Variants in IQCH observed in about 807,000 individuals in gnomAD.
IQCH encodes IQ motif containing H, also known as IQ domain-containing protein H.
A neutral mutation model predicts 117.0 loss-of-function variants in IQCH; 98 were observed. The ratio of observed to expected loss-of-function variants is 0.84; its 90% CI spans 0.71 to 0.99. IQCH has a LOEUF of 0.99. Among genes scored for constraint, IQCH ranks in the 50% least tolerant of loss-of-function variants. The probability of loss-of-function intolerance (pLI) is 0.00; values close to 1 mark genes in which losing one functional copy is unlikely to be tolerated. For missense variants in IQCH, 1,102 were observed against 1,243.8 expected, an observed-to-expected ratio of 0.89 and a Z score of 1.72; for synonymous variants, 412 against 448.2, an observed-to-expected ratio of 0.92 and a Z score of 1.02.
At chr15:67,358,748 G>A (rs1970017635) in intron 7 of IQCH, among the ~76,000 whole-genome samples, 1 of 152,212 alleles carries the variant, frequency 6.6e-6, no homozygotes, top group East Asian at 1.9e-4. Flanking sequence ...AAGAGAAATT[G>A]AAGAGCGGAA....
chr15:67,339,429 C>A (rs893351545), intron 5 of IQCH, among the ~76,000 whole-genome samples: 2 of 152,150 alleles, frequency 1.3e-5, no homozygotes, highest in African/African-American at 2.4e-5. Flanking sequence ...ATCAAGAATA[C>A]TGAAGTAAAT....
chr15:67,355,922 C>T (rs954204146), intron 6 of IQCH, among the ~76,000 whole-genome samples: 2 of 152,148 alleles, frequency 1.3e-5, no homozygotes, highest in African/African-American at 4.8e-5. Flanking sequence ...CTTTGTCCTA[C>T]CAAATTGTAT....
At chr15:67,278,008 A>G (rs796927299) in intron 3 of IQCH, among the ~76,000 whole-genome samples, 71 of 152,262 alleles carry the variant, frequency 4.7e-4, no homozygotes, top group African/African-American at 1.6e-3. Context: ...TCTATACTCT[A>G]TAATTAGGTG....
intron 4 of IQCH, among the ~76,000 whole-genome samples, chr15:67,305,035 A>T (rs1306544362): frequency 6.6e-6 from 1 of 151,934 alleles, no homozygotes; most frequent in South Asian, 2.1e-4. Context: ...CAAGGATTGT[A>T]CTCTATGTTG....
intron 16 of IQCH, among the ~76,000 whole-genome samples, chr15:67,440,053 C>T (rs1292648688): frequency 1.3e-5 from 2 of 152,028 alleles, no homozygotes; most frequent in Non-Finnish European, 2.9e-5. Flanking sequence ...ACTGACACCG[C>T]AGAAAGACAA....
At chr15:67,398,861 A>G (rs1463702645) in intron 13 of IQCH, among the ~76,000 whole-genome samples, 3 of 152,160 alleles carry the variant, frequency 2.0e-5, no homozygotes, top group Non-Finnish European at 4.4e-5. Context: ...GCTTAGTGTT[A>G]TTTTGTTGCT....
At chr15:67,435,822 A>G (rs182445101) in intron 16 of IQCH, among the ~76,000 whole-genome samples, 3 of 152,168 alleles carry the variant, frequency 2.0e-5, no homozygotes, top group African/African-American at 7.2e-5. Flanking sequence ...TAGTGAGCCA[A>G]GATGGCATCA....
Position 67,490,211 on chromosome 15 carries a change from A to G in IQCH, c.2861+147A>G. 1 of 685,202 alleles carries G rather than the reference A, an allele frequency of 1.5e-6. No homozygotes were observed. The highest frequency in any genetic ancestry group is 1.9e-5 in the South Asian group (1 of 51,982). The allele number at this position is 685,202 out of a possible 1,614,324, so 42.4% of individuals were successfully genotyped here. A position where few individuals can be genotyped will look rare whatever the true frequency, so the allele number is the denominator to read the frequency against. On this transcript the variant is annotated intron_variant, in intron 19 of 20. Transcript: ENST00000335894. This position sits in a 1 kb window ranked among gnomAD's most constrained non-coding sequence, Gnocchi z 4.9. Reference sequence around the variant, plus strand: ...TTTAGATCTTCAGGTATTTTATTTTATTCTATTTTTTTGAGACGGAGCCTC... The same window carrying G: ...TTTAGATCTTCAGGTATTTTATTTTGTTCTATTTTTTTGAGACGGAGCCTC...
chr15:67,286,437 T>C (rs532682710), intron 4 of IQCH, among the ~76,000 whole-genome samples: 14 of 152,290 alleles, frequency 9.2e-5, no homozygotes, highest in African/African-American at 3.4e-4. Flanking sequence ...TTCTCTTTTC[T>C]GATTGCTCTA....
chr15:67,272,948 T>G (rs1965964316), intron 3 of IQCH, among the ~76,000 whole-genome samples: 1 of 152,236 alleles, frequency 6.6e-6, no homozygotes, highest in African/African-American at 2.4e-5. Flanking sequence ...CTTACCATTT[T>G]TATTGCTTGT....
intron 16 of IQCH, among the ~76,000 whole-genome samples, chr15:67,449,972 A>C (rs1287659446): frequency 6.6e-6 from 1 of 151,866 alleles, no homozygotes; most frequent in East Asian, 1.9e-4. Flanking sequence ...TAGGTATTTT[A>C]TTCTCTTTGA....
At chr15:67,373,102 G>C (rs1204453354) in intron 9 of IQCH, among the ~76,000 whole-genome samples, 4 of 151,854 alleles carry the variant, frequency 2.6e-5, no homozygotes, top group Non-Finnish European at 5.9e-5. Flanking sequence ...CTTTTAATTA[G>C]TGCTCACAAT....
intron 18 of IQCH, among the ~76,000 whole-genome samples, chr15:67,480,978 C>G (rs973347910): frequency 6.6e-5 from 10 of 152,062 alleles, no homozygotes; most frequent in African/African-American, 2.2e-4. Context: ...AAATTTGGCA[C>G]TTTGCAAAAT....
In IQCH at chr15:67,422,520, G is replaced by C. The variant is rs769959091; in HGVS notation, c.2505+943G>C. Among the ~76,000 whole-genome samples the C allele has an allele frequency of 6.6e-6, 1 of 152,116 alleles. No homozygotes were observed. The highest frequency in any genetic ancestry group is 1.5e-5 in the Non-Finnish European group (1 of 68,012). On this transcript the variant is annotated intron_variant, in intron 16 of 20. Transcript: ENST00000335894. This position sits in a 1 kb window ranked among gnomAD's most constrained non-coding sequence, Gnocchi z 4.7. ...TCCTAGAGGCCAGGAGGAAGCTACTGTCTCATACCTGGGGTTTTAATTCCC... is the reference window on the plus strand; with the variant it reads ...TCCTAGAGGCCAGGAGGAAGCTACTCTCTCATACCTGGGGTTTTAATTCCC...
At chr15:67,270,991 T>C (rs993109460) in intron 3 of IQCH, among the ~76,000 whole-genome samples, 1 of 152,200 alleles carries the variant, frequency 6.6e-6, no homozygotes, top group Admixed American at 6.5e-5. Context: ...GAATCTCACT[T>C]GAAGTCTCGC....
chr15:67,278,050 A>G (rs1357308789), intron 3 of IQCH, among the ~76,000 whole-genome samples: 2 of 152,118 alleles, frequency 1.3e-5, no homozygotes, highest in African/African-American at 4.8e-5. Flanking sequence ...GCCCTGGGCT[A>G]TTACCTTGAC....
intron 4 of IQCH, among the ~76,000 whole-genome samples, chr15:67,304,157 T>C (rs1967187812): frequency 6.6e-6 from 1 of 152,182 alleles, no homozygotes; most frequent in African/African-American, 2.4e-5. Flanking sequence ...ACAAAGTTCC[T>C]TTTCTGTGAA....
chr15:67,331,137 T>G (rs558712203), intron 4 of IQCH, among the ~76,000 whole-genome samples: 1 of 152,312 alleles, frequency 6.6e-6, no homozygotes, highest in African/African-American at 2.4e-5. Flanking sequence ...GGATTTCCTG[T>G]GGTCTTTGTA....
Position 67,408,133 on chromosome 15 carries a change from C to G in IQCH, c.2097+7828C>G, listed in dbSNP as rs996349752. 2.6e-5 allele frequency: 4 copies of G among 152,138 alleles called. No homozygotes were observed. The highest frequency in any genetic ancestry group is 2.6e-4 in the Admixed American group (4 of 15,276). The allele number at this position is 152,138 out of a possible 1,614,324, so 9.4% of individuals were successfully genotyped here. On this transcript the variant is annotated intron_variant, in intron 14 of 20. Coordinates refer to ENST00000335894, the MANE Select transcript of IQCH (RefSeq NM_001031715.3). This position sits in a 1 kb window ranked among gnomAD's most constrained non-coding sequence, Gnocchi z 4.2. ...ATTGAATTTAACTACCAGTTTTTCGCAATAACAGCATGGAAGGAAGGAATA... is the reference window on the plus strand; with the variant it reads ...ATTGAATTTAACTACCAGTTTTTCGGAATAACAGCATGGAAGGAAGGAATA...
Sources: gnomAD v4.1 joint callset for allele counts (sites outside exome capture counted in the v4.1 genomes callset) on GRCh38, gnomAD v4.1.1 for gene constraint, Gnocchi (gnomAD v3.1) non-coding constraint, MANE v1.5 for transcripts, NCBI Gene and HGNC (gene_info 2026-07-23, HGNC 2026-07-21) for gene names.